MMS19: variants seen among roughly 807,000 people sequenced by gnomAD.
MMS19 encodes MMS19 cytosolic iron-sulfur assembly component, also known as MMS19 nucleotide excision repair protein homolog.
A neutral mutation model predicts 129.8 loss-of-function variants in MMS19; 77 were observed. The observed-to-expected ratio is 0.59, with a 90% CI of 0.49 to 0.72. The LOEUF (loss-of-function observed/expected upper bound fraction) is 0.72. Among genes scored for constraint, MMS19 ranks in the 30% least tolerant of loss-of-function variants. The pLI, the probability that MMS19 is intolerant of heterozygous loss-of-function variation, is 0.00. For synonymous variants in MMS19, 491 were observed against 502.8 expected (o/e 0.98, Z 0.31); for missense variants, 1,168 against 1,266.3 (o/e 0.92, Z 1.18).
Position 97,465,750 on chromosome 10 carries a change from G to T in MMS19, c.1756+55C>A. 3.2e-6 allele frequency: 5 copies of T among 1,541,914 alleles called. No homozygotes were observed. In the South Asian group the frequency reaches 4.7e-5, roughly 15 times the overall value. ...AGCTACAGCTAGAACCACTGCCTTA[G>T]AGACTACAGCTCCCTATTCAGCCCA... On this transcript the variant is annotated intron_variant, in intron 18 of 30. Transcript: ENST00000438925.
At chr10:97,492,127 A>G in intron 1 of MMS19, among the ~76,000 whole-genome samples, 1 of 141,716 alleles carries the variant, frequency 7.1e-6, no homozygotes, top group South Asian at 2.3e-4. Context: ...TACAGAGTGA[A>G]ACTCAATCTA....
At position 97,498,362 on chromosome 10, in the gene MMS19, T is replaced by C; in HGVS notation, c.23A>G (p.Glu8Gly). MAAAAAV[E>G]AAAPMGALWG... ...TAGGGCACCCATAGGCGCCGCCGCCTCCACAGCCGCGGCAGCGGCCATAAC... is the reference window on the plus strand; with the variant it reads ...TAGGGCACCCATAGGCGCCGCCGCCCCCACAGCCGCGGCAGCGGCCATAAC... The change falls in exon 1 of 31, where the codon GAG becomes GGG. Residue 8 changes from glutamate (E) to glycine (G), a missense_variant. Glu to Gly is a moderately conservative substitution (Grantham distance 98). Around this residue, in one of 3 missense-constraint regions of MMS19, gnomAD observed 329 missense variants for 328.6 expected, o/e 1.00. Coordinates refer to ENST00000438925, the MANE Select transcript of MMS19 (RefSeq NM_022362.5). The C allele has an allele frequency of 1.3e-6, 2 of 1,575,026 alleles. No homozygotes were observed. Among genetic ancestry groups the C allele is most frequent in the East Asian group, 2.3e-5 (1 of 43,092 alleles).
At chr10:97,485,595 G>A (rs1246215067) in intron 1 of MMS19, among the ~76,000 whole-genome samples, 1 of 152,154 alleles carries the variant, frequency 6.6e-6, no homozygotes, top group African/African-American at 2.4e-5. Context: ...ACAGGCATGA[G>A]CCACTGCACC....
At chr10:97,478,711 T>C (rs1236756149) in intron 3 of MMS19, among the ~76,000 whole-genome samples, 1 of 152,210 alleles carries the variant, frequency 6.6e-6, no homozygotes, top group Non-Finnish European at 1.5e-5. Flanking sequence ...TTACAGGGTA[T>C]GGTCTCTATC....
intron 11 of MMS19, 30 bp from the exon 12 acceptor site, chr10:97,469,134 G>A (rs1053196615): frequency 6.4e-7 from 1 of 1,553,530 alleles, no homozygotes; most frequent in African/African-American, 1.4e-5. Context: ...TGGCTACTGA[G>A]GTGAGCCTGC....
intron 1 of MMS19, among the ~76,000 whole-genome samples, chr10:97,494,560 T>C (rs545780157): frequency 6.6e-6 from 1 of 152,202 alleles, no homozygotes; most frequent in Non-Finnish European, 1.5e-5. Flanking sequence ...CTTTAATACT[T>C]TGACTTAAGG....
At position 97,468,948 on chromosome 10, in the gene MMS19, C is replaced by T. The variant is rs2034119323; in HGVS notation, c.1063+18G>A. ...CTATTGTGCTCACTCCCCTTCCTGG[C>T]TGCCACGGCCCCATTACCCTGTAGA... On this transcript the variant is annotated intron_variant, in intron 12 of 30. Transcript: ENST00000438925. 6.3e-7 allele frequency: 1 copy of T among 1,577,132 alleles called. No homozygotes were observed. The highest frequency in any genetic ancestry group is 8.6e-7 in the Non-Finnish European group (1 of 1,161,526).
At chr10:97,488,736 G>T (rs192501368) in intron 1 of MMS19, among the ~76,000 whole-genome samples, 13 of 152,284 alleles carry the variant, frequency 8.5e-5, no homozygotes, top group Non-Finnish European at 1.6e-4. Context: ...CTTTTGACCT[G>T]CAGTTGCTTG....
chr10:97,479,894 GTT>G (rs2036438328), intron 3 of MMS19, among the ~76,000 whole-genome samples: 1 of 152,102 alleles, frequency 6.6e-6, no homozygotes, highest in Middle Eastern at 3.4e-3. Context: ...TCCTTGGGAA[GTT>G]TTTGTTTTTA....
Position 97,471,297 on chromosome 10 carries a change from T to G in MMS19, c.685-436A>C, listed in dbSNP as rs550652526. On this transcript the variant is annotated intron_variant, in intron 8 of 30. Transcript: ENST00000438925. ...TTCATAGCATTAGTTTTAGTGGCTA[T>G]GATTTCATTTTGTGGTTGTACCAGT... 5.9e-5 allele frequency among the ~76,000 whole-genome samples: 9 copies of G among 152,266 alleles called. No homozygotes were observed. In the South Asian group the frequency reaches 1.7e-3, roughly 28 times the overall value.
chr10:97,473,072 G>T (rs1426752736), intron 8 of MMS19, among the ~76,000 whole-genome samples: 3 of 151,132 alleles, frequency 2.0e-5, no homozygotes, highest in African/African-American at 7.3e-5. Flanking sequence ...TTTTACTCTT[G>T]TTGCCTAAGC....
intron 1 of MMS19, among the ~76,000 whole-genome samples, chr10:97,485,676 G>A (rs958733720): frequency 1.3e-5 from 2 of 152,070 alleles, no homozygotes; most frequent in African/African-American, 4.8e-5. Flanking sequence ...TTGAACTCCT[G>A]ACCTCAGGTG....
In MMS19 at chr10:97,477,415, G is replaced by T; in HGVS notation, c.425C>A (p.Ser142Tyr). Reference protein sequence around the residue: ...KAIFQEVHVQSLPQVDRHTVY... With the variant: ...KAIFQEVHVQYLPQVDRHTVY... ...TGTGTGTCGGTCCACCTGTGGCAGG[G>T]ACTTGGGGGTGGGGGAGAAAGAAGT... The change falls in exon 6 of 31, where the codon TCC becomes TAC. Residue 142 changes from serine to tyrosine, a missense_variant and splice_region_variant. Ser to Tyr is a moderately radical substitution (Grantham distance 144). This residue lies in a region of MMS19 where 329 missense variants were observed against 328.6 expected (regional missense o/e 1.00). Coordinates refer to ENST00000438925, the MANE Select transcript of MMS19 (RefSeq NM_022362.5). 1 of 1,613,990 alleles carries T rather than the reference G, an allele frequency of 6.2e-7. No homozygotes were observed. Among genetic ancestry groups the T allele is most frequent in the Non-Finnish European group, 8.5e-7 (1 of 1,179,882 alleles).
intron 5 of MMS19, 126 bp downstream of exon 5, chr10:97,477,729 G>A: frequency 1.4e-6 from 1 of 706,718 alleles, no homozygotes; most frequent in Non-Finnish European, 2.4e-6. Context: ...CTGAAGAAGA[G>A]CATAAAAACA....
intron 8 of MMS19, among the ~76,000 whole-genome samples, chr10:97,474,982 ATT>A (rs1263694667): frequency 6.6e-6 from 1 of 152,158 alleles, no homozygotes; most frequent in Non-Finnish European, 1.5e-5. Flanking sequence ...TGACCTAGCG[ATT>A]TCTTTTAGGA....
At chr10:97,461,460 T>C (rs1234884876) in intron 23 of MMS19, 36 bp downstream of exon 23, 6 of 1,601,198 alleles carry the variant, frequency 3.7e-6, no homozygotes. Context: ...GGGTAGTTGA[T>C]TCTGGGAGGC....
At position 97,458,733 on chromosome 10, in the gene MMS19, GA is replaced by G. The variant is rs1564608447; in HGVS notation, c.3066-15del. ...CCCAACAGAAACCTGTAGGCAAAAA[GA>G]AAGTTGGCAGCATTAGTGATGAGGC... On this transcript the variant is annotated splice_polypyrimidine_tract_variant and intron_variant, in intron 30 of 30. Transcript: ENST00000438925. 1 of 1,612,062 alleles carries G rather than the reference GA, an allele frequency of 6.2e-7. No homozygotes were observed. The highest frequency in any genetic ancestry group is 2.2e-5 in the East Asian group (1 of 44,810).
intron 1 of MMS19, among the ~76,000 whole-genome samples, chr10:97,486,406 A>G (rs1043663303): frequency 3.3e-5 from 5 of 152,100 alleles, no homozygotes; most frequent in Non-Finnish European, 7.4e-5. Context: ...GTCTTGAACT[A>G]CTGACCTCAG....
At chr10:97,471,145 A>G (rs2034604851) in intron 8 of MMS19, among the ~76,000 whole-genome samples, 1 of 152,184 alleles carries the variant, frequency 6.6e-6, no homozygotes, top group South Asian at 2.1e-4. Flanking sequence ...GCTGATATAT[A>G]TTGTTACTAT....
Sources: allele counts gnomAD v4.1 joint callset (sites outside exome capture counted in the v4.1 genomes callset), GRCh38; gene constraint gnomAD v4.1.1; regional missense constraint gnomAD v4.1.1; transcripts MANE v1.5; gene names NCBI Gene and HGNC (gene_info 2026-07-23, HGNC 2026-07-21).